The following FAM53A variants were observed in gnomAD, a reference collection of about 807,000 sequenced individuals.
FAM53A encodes protein FAM53A.
In FAM53A, 28 loss-of-function variants were observed where a neutral mutation model predicts 26.6. That is an observed-to-expected ratio of 1.05 (90% CI 0.78 to 1.45). The LOEUF is 1.45. FAM53A is among the 40% of genes most tolerant of loss of function. FAM53A has a pLI of 0.00. For missense variants in FAM53A, 650 were observed against 575.8 expected, an observed-to-expected ratio of 1.13 and a Z score of -1.32; for synonymous variants, 290 against 253.1, an observed-to-expected ratio of 1.15 and a Z score of -1.38.
chr4:1,668,882 C>A lies in FAM53A; in HGVS notation c.-141G>T, dbSNP rs775610105. The A allele has an allele frequency of 7.6e-6, 5 of 656,842 alleles. No homozygotes were observed. Among genetic ancestry groups the A allele is most frequent in the African/African-American group, 3.7e-5 (2 of 54,632 alleles). 40.7% of individuals were successfully genotyped at this position (656,842 alleles called of 1,614,324 possible). ...TTCTTTACAGATGAGCAGTCCACGC[C>A]CACGGGCTCTTCAGGATTTGTGCCT... On this transcript the variant is annotated 5_prime_UTR_variant, in exon 2 of 5. Transcript: ENST00000308132.
chr4:1,622,979 G>T, intron 1 of FAM53A, among the ~76,000 whole-genome samples: 1 of 152,248 alleles, frequency 6.6e-6, no homozygotes, highest in East Asian at 1.9e-4. Flanking sequence ...ACAGATGGAG[G>T]CAACCTACGA....
At position 1,630,545 on chromosome 4, in the gene FAM53A, C is replaced by T. The variant is rs1715569586; in HGVS notation, c.432-12434G>A. Among the ~76,000 whole-genome samples the T allele has an allele frequency of 6.6e-6, 1 of 152,178 alleles. No individual in the cohort carries two copies. The highest frequency in any genetic ancestry group is 2.4e-5 in the African/African-American group (1 of 41,432). The stretch of plus-strand genomic sequence containing the variant: ...AGCAGGGTCTACAAAAATACACGCC[C>T]CGGGCCCCGTTCAGCCAGTCCGTCC... On this transcript the variant is annotated intron_variant, in intron 1 of 1. Coordinates refer to the FAM53A transcript ENST00000489029. This position sits in a 1 kb window ranked among gnomAD's most constrained non-coding sequence, Gnocchi z 4.3.
chr4:1,598,441 C>T, the FAM53A span, among the ~76,000 whole-genome samples: 4 of 152,348 alleles, frequency 2.6e-5, no homozygotes, highest in East Asian at 1.9e-4. Context: ...CAGAGGCTGA[C>T]GGGGGCCGCA....
chr4:1,631,991 C>T (rs966564340), intron 1 of FAM53A, among the ~76,000 whole-genome samples: 1 of 151,884 alleles, frequency 6.6e-6, no homozygotes, highest in Non-Finnish European at 1.5e-5. Context: ...GATGAAACCC[C>T]GTCTCTAGTA....
chr4:1,651,053 C>G (rs1311366674), intron 4 of FAM53A, among the ~76,000 whole-genome samples: 1 of 146,096 alleles, frequency 6.8e-6, no homozygotes, highest in African/African-American at 2.5e-5. Context: ...CCCGTCTGTA[C>G]TAAAAATACA....
chr4:1,589,530 T>C, the FAM53A span, among the ~76,000 whole-genome samples: 1 of 152,216 alleles, frequency 6.6e-6, no homozygotes, highest in African/African-American at 2.4e-5. Flanking sequence ...TTTCTCTTTC[T>C]TGAAGATTTT....
chr4:1,631,538 A>G (rs1715612401), intron 1 of FAM53A, among the ~76,000 whole-genome samples: 1 of 152,206 alleles, frequency 6.6e-6, no homozygotes, highest in African/African-American at 2.4e-5. Flanking sequence ...AGTCCCAGGG[A>G]AACAGCCTCT....
intron 1 of FAM53A, among the ~76,000 whole-genome samples, chr4:1,681,860 AG>A (rs1553814826): frequency 6.6e-6 from 1 of 152,196 alleles, no homozygotes; most frequent in Non-Finnish European, 1.5e-5. Flanking sequence ...TGGTGAGAAC[AG>A]GCTGCACCAT....
upstream of FAM53A, among the ~76,000 whole-genome samples, chr4:1,684,493 T>A (rs929702387): frequency 2.0e-5 from 3 of 149,700 alleles, no homozygotes; most frequent in African/African-American, 7.3e-5. Context: ...GCCCACCGAG[T>A]CCGCAGCGCG....
rs1488841444 is a variant in FAM53A at position 1,640,665 on chromosome 4, C to T, written c.*628G>A. 2.7e-6 allele frequency: 1 copy of T among 363,786 alleles called. No individual in the cohort carries two copies. Among genetic ancestry groups the T allele is most frequent in the Non-Finnish European group, 5.2e-6 (1 of 193,764 alleles). The allele number at this position is 363,786 out of a possible 1,614,324, so 22.5% of individuals were successfully genotyped here. ...TGCCGGCAGCAGCCATGGCCCCGAC[C>T]AGCTCACATGAAACCTAGTCTGTGC... On this transcript the variant is annotated 3_prime_UTR_variant, in exon 5 of 5. Coordinates refer to ENST00000308132, the MANE Select transcript of FAM53A (RefSeq NM_001174070.3).
At chr4:1,660,002 A>G (rs1261691026) in intron 2 of FAM53A, among the ~76,000 whole-genome samples, 1 of 152,148 alleles carries the variant, frequency 6.6e-6, no homozygotes, top group Non-Finnish European at 1.5e-5. Context: ...GCCTAAGGAA[A>G]TCTGGACTTC....
At chr4:1,654,810 C>T (rs747132157) in intron 4 of FAM53A, among the ~76,000 whole-genome samples, 168 bp downstream of exon 4, 21 of 152,220 alleles carry the variant, frequency 1.4e-4, no homozygotes, top group Non-Finnish European at 2.2e-4. Context: ...GACAGGCCCC[C>T]GATCGCTCCC....
At chr4:1,615,056 A>C (rs1194445076), downstream of FAM53A, among the ~76,000 whole-genome samples, 3 of 152,124 alleles carry the variant, frequency 2.0e-5, no homozygotes, top group Admixed American at 6.5e-5. Context: ...GGCCACGCCC[A>C]CCCCACCTGG....
the FAM53A span, among the ~76,000 whole-genome samples, chr4:1,604,428 G>A: frequency 3.9e-5 from 6 of 152,146 alleles, no homozygotes; most frequent in East Asian, 9.6e-4. Context: ...GGAACGTGGA[G>A]GGTCCCGTAC....
At chr4:1,612,770 C>T in the FAM53A span, among the ~76,000 whole-genome samples, 1 of 152,226 alleles carries the variant, frequency 6.6e-6, no homozygotes, top group Admixed American at 6.5e-5. Context: ...CAAGTGCACA[C>T]ATGTACACAC....
intron 1 of FAM53A, among the ~76,000 whole-genome samples, chr4:1,632,697 G>C (rs183221551): frequency 6.6e-6 from 1 of 152,234 alleles, no homozygotes; most frequent in Non-Finnish European, 1.5e-5. Flanking sequence ...CTCCACAGGC[G>C]TGCATGCACG....
chr4:1,595,530 G>A, the FAM53A span, among the ~76,000 whole-genome samples: 1 of 152,326 alleles, frequency 6.6e-6, no homozygotes, highest in Non-Finnish European at 1.5e-5. Flanking sequence ...TGGGGCTGGG[G>A]TTGGTGGGAG....
At chr4:1,609,532 G>C in the FAM53A span, among the ~76,000 whole-genome samples, 1 of 152,114 alleles carries the variant, frequency 6.6e-6, no homozygotes, top group African/African-American at 2.4e-5. Context: ...AGTCTCACGA[G>C]ATCTGATGGT....
chr4:1,627,580 C>T (rs919407613), intron 1 of FAM53A, among the ~76,000 whole-genome samples: 3 of 152,162 alleles, frequency 2.0e-5, no homozygotes, highest in African/African-American at 7.2e-5. Context: ...AGAGCTGGGG[C>T]TCCCATCCGC....
Sources: allele counts gnomAD v4.1 joint callset (sites outside exome capture counted in the v4.1 genomes callset), GRCh38; gene constraint gnomAD v4.1.1; non-coding constraint Gnocchi (gnomAD v3.1); transcripts MANE v1.5; gene names NCBI Gene and HGNC (gene_info 2026-07-23, HGNC 2026-07-21).